Variants in EEF1AKMT1 observed in about 807,000 individuals in gnomAD.
EEF1AKMT1 encodes N-6 adenine-specific DNA methyltransferase 2 (putative).
A neutral mutation model predicts 21.0 loss-of-function variants in EEF1AKMT1; 18 were observed. The ratio of observed to expected loss-of-function variants is 0.86; its 90% CI spans 0.59 to 1.27. The LOEUF is 1.27. Ranked by LOEUF, EEF1AKMT1 falls within the 50% of genes most tolerant of loss-of-function variation. EEF1AKMT1 has a pLI of 0.00. For synonymous variants in EEF1AKMT1, 109 were observed against 94.8 expected, an observed-to-expected ratio of 1.15 and a Z score of -0.87; for missense variants, 246 against 258.6, an observed-to-expected ratio of 0.95 and a Z score of 0.33.
rs575976424 is a variant in EEF1AKMT1, at chr13:20,756,456, C to A, written c.144+999G>T. On this transcript the variant is annotated intron_variant, in intron 2 of 4. Transcript: ENST00000382758. ...TTTCAATACATGTTTAAGTTCAGTT[C>A]CCCAATTTCCGGCAATGATAATATT... 2.0e-5 allele frequency among the ~76,000 whole-genome samples: 3 copies of A among 152,288 alleles called. No individual in the cohort carries two copies. The South Asian group carries it at 6.2e-4, about 32-fold the overall frequency.
At chr13:20,758,073 A>G (rs895712473) in intron 1 of EEF1AKMT1, among the ~76,000 whole-genome samples, 4 of 152,208 alleles carry the variant, frequency 2.6e-5, no homozygotes, top group African/African-American at 9.6e-5. Flanking sequence ...TCTCCTGTGG[A>G]GAAAATCTAC....
rs2058924190 is a variant in EEF1AKMT1 at position 20,748,725 on chromosome 13, GGTT to G, written c.144+8727_144+8729del. Among the ~76,000 whole-genome samples the G allele has an allele frequency of 6.0e-4, 41 of 68,662 alleles. No homozygotes were observed. In the East Asian group the frequency reaches 0.032, roughly 54 times the overall value. 45.0% of individuals were successfully genotyped at this position (68,662 alleles called of 152,430 possible). A position where few individuals can be genotyped will look rare whatever the true frequency, so the allele number is the denominator to read the frequency against. ...TCCTAATGTATAGTTGTTTTTTTTT[GGTT>G]TTTTTTTTTTTTTTTTTTTGAGACA... On this transcript the variant is annotated intron_variant, in intron 2 of 4. Coordinates refer to ENST00000382758, the MANE Select transcript of EEF1AKMT1 (RefSeq NM_001318939.2).
At chr13:20,731,752 AAGTG>A (rs1195855066) in intron 4 of EEF1AKMT1, 85 bp downstream of exon 4, 3 of 1,316,084 alleles carry the variant, frequency 2.3e-6, no homozygotes, top group Non-Finnish European at 3.2e-6. Context: ...GTCACACAGG[AAGTG>A]GTGGACTCAG....
chr13:20,750,238 C>G (rs534578587), intron 2 of EEF1AKMT1, among the ~76,000 whole-genome samples: 2 of 152,232 alleles, frequency 1.3e-5, no homozygotes, highest in African/African-American at 4.8e-5. Context: ...TTGCAATATA[C>G]AATACACTAA....
At chr13:20,729,363 C>A (rs2058778462) in intron 4 of EEF1AKMT1, 147 bp from the exon 5 acceptor site, 2 of 857,082 alleles carry the variant, frequency 2.3e-6, no homozygotes, top group Non-Finnish European at 3.6e-6. Context: ...GTGTTCTTTA[C>A]ATTCCCTTTC....
At chr13:20,765,404 G>GGTTTTTT (rs1566539232) in intron 1 of EEF1AKMT1, among the ~76,000 whole-genome samples, 5 of 82,682 alleles carry the variant, frequency 6.0e-5, no homozygotes, top group African/African-American at 2.5e-4. Context: ...TCTTCCCTTG[G>GGTTTTTT]GTTTTTTTTT....
intron 1 of EEF1AKMT1, among the ~76,000 whole-genome samples, chr13:20,767,082 G>A (rs8001873): frequency 0.22 from 33,857 of 151,726 alleles, 5,404 homozygotes; most frequent in East Asian, 0.76. Flanking sequence ...TGAGGTGGGC[G>A]GATCACGAGG....
chr13:20,748,339 G>A (rs537021936), intron 2 of EEF1AKMT1, among the ~76,000 whole-genome samples: 16 of 152,084 alleles, frequency 1.1e-4, no homozygotes, highest in African/African-American at 3.9e-4. Context: ...AGGAGGTGAG[G>A]CAGGAGAATG....
At chr13:20,738,919 C>T (rs1017038089) in intron 2 of EEF1AKMT1, among the ~76,000 whole-genome samples, 39 of 152,092 alleles carry the variant, frequency 2.6e-4, no homozygotes, top group African/African-American at 9.4e-4. Flanking sequence ...GTTGTGTGTC[C>T]GGAATTGGTG....
At chr13:20,744,019 A>G (rs2058888344) in intron 2 of EEF1AKMT1, among the ~76,000 whole-genome samples, 2 of 152,192 alleles carry the variant, frequency 1.3e-5, no homozygotes, top group South Asian at 4.1e-4. Context: ...TGCAAAGGAC[A>G]TGAACTCATC....
intron 2 of EEF1AKMT1, among the ~76,000 whole-genome samples, chr13:20,740,115 C>T (rs1013455126): frequency 9.2e-5 from 14 of 152,360 alleles, no homozygotes; most frequent in South Asian, 4.1e-4. Context: ...TCAAGCACAG[C>T]GCAGGTGGGC....
intron 1 of EEF1AKMT1, among the ~76,000 whole-genome samples, chr13:20,773,431 C>T (rs2059073108): frequency 6.6e-6 from 1 of 152,244 alleles, no homozygotes; most frequent in South Asian, 2.1e-4. Flanking sequence ...AAGGGACCTG[C>T]CTCAGAAGCC....
intron 1 of EEF1AKMT1, among the ~76,000 whole-genome samples, chr13:20,770,573 A>T (rs1320163918): frequency 1.3e-5 from 2 of 152,198 alleles, no homozygotes; most frequent in African/African-American, 4.8e-5. Context: ...AATTCCAAAG[A>T]TTAGCTTGTG....
At chr13:20,736,399 C>T (rs753726291) in intron 3 of EEF1AKMT1, among the ~76,000 whole-genome samples, 10 of 152,134 alleles carry the variant, frequency 6.6e-5, no homozygotes, top group Non-Finnish European at 1.3e-4. Flanking sequence ...TTCCCTCCTA[C>T]GTGCCTTTTC....
chr13:20,733,138 C>T (rs1017076889), intron 3 of EEF1AKMT1, among the ~76,000 whole-genome samples: 63 of 148,000 alleles, frequency 4.3e-4, no homozygotes, highest in African/African-American at 1.6e-3. Flanking sequence ...CTCTGTTGCC[C>T]AGGCTGGAGT....
intron 1 of EEF1AKMT1, among the ~76,000 whole-genome samples, chr13:20,761,501 T>C (rs1345392291): frequency 6.6e-6 from 1 of 152,234 alleles, no homozygotes. Flanking sequence ...TTTAAGGTAT[T>C]ACAAATAGAG....
chr13:20,748,559 C>T (rs1228474127), intron 2 of EEF1AKMT1, among the ~76,000 whole-genome samples: 1 of 152,018 alleles, frequency 6.6e-6, no homozygotes. Context: ...TTGGCTCTTT[C>T]TCTGATCATT....
intron 1 of EEF1AKMT1, among the ~76,000 whole-genome samples, chr13:20,772,301 G>T (rs1436868329): frequency 6.6e-6 from 1 of 152,052 alleles, no homozygotes; most frequent in East Asian, 1.9e-4. Flanking sequence ...TTATTATTAA[G>T]CTGACCTTGG....
At chr13:20,731,375 A>G (rs2058794730) in intron 4 of EEF1AKMT1, among the ~76,000 whole-genome samples, 1 of 152,212 alleles carries the variant, frequency 6.6e-6, no homozygotes, top group Non-Finnish European at 1.5e-5. Flanking sequence ...CTGAGGTGGG[A>G]GGACGGCTTA....
Sources: allele counts gnomAD v4.1 joint callset (sites outside exome capture counted in the v4.1 genomes callset), GRCh38; gene constraint gnomAD v4.1.1; transcripts MANE v1.5; gene names NCBI Gene and HGNC (gene_info 2026-07-23, HGNC 2026-07-21).